Variants in SIPA1L3 observed in about 807,000 individuals in gnomAD.
SIPA1L3 encodes the protein signal induced proliferation associated 1 like 3.
SIPA1L3 carries 59 observed loss-of-function variants against 150.1 expected under a neutral mutation model. The ratio of observed to expected loss-of-function variants is 0.39; its 90% CI spans 0.32 to 0.49. The LOEUF (loss-of-function observed/expected upper bound fraction) is 0.49, where lower values mean the gene tolerates loss of function less well. SIPA1L3 is among the 20% of genes least tolerant of loss of function. The probability of loss-of-function intolerance (pLI) is 0.86; values close to 1 mark genes in which losing one functional copy is unlikely to be tolerated. For synonymous variants in SIPA1L3, 1,070 were observed against 1,077.6 expected (o/e 0.99, Z 0.14); for missense variants, 2,211 against 2,489.5 (o/e 0.89, Z 2.38).
intron 1 of SIPA1L3, among the ~76,000 whole-genome samples, chr19:37,952,460 G>A (rs2046773440): frequency 1.3e-5 from 2 of 151,888 alleles, no homozygotes; most frequent in South Asian, 2.1e-4. Context: ...ATCACTTGAG[G>A]CCAGGAGTTC....
intron 9 of SIPA1L3, among the ~76,000 whole-genome samples, chr19:38,129,677 C>T (rs940167119): frequency 2.0e-5 from 3 of 151,482 alleles, no homozygotes; most frequent in Non-Finnish European, 4.4e-5. Context: ...AATGTGAGTT[C>T]CCAACCTAGA....
At chr19:37,977,829 T>C (rs1967110744) in intron 1 of SIPA1L3, among the ~76,000 whole-genome samples, 1 of 152,214 alleles carries the variant, frequency 6.6e-6, no homozygotes, top group African/African-American at 2.4e-5. Flanking sequence ...TCACAGGTCC[T>C]GTAGTCCAGA....
intron 12 of SIPA1L3, among the ~76,000 whole-genome samples, chr19:38,147,861 C>T (rs1971734364): frequency 6.6e-6 from 1 of 152,068 alleles, no homozygotes; most frequent in African/African-American, 2.4e-5. Flanking sequence ...TGAGGTCACT[C>T]TGCCAGGACG....
chr19:37,968,325 G>A (rs1204394498), intron 1 of SIPA1L3, among the ~76,000 whole-genome samples: 1 of 151,934 alleles, frequency 6.6e-6, no homozygotes, highest in African/African-American at 2.4e-5. Context: ...TGCCCACCTC[G>A]GCCTCCAAAG....
intron 1 of SIPA1L3, among the ~76,000 whole-genome samples, chr19:37,910,709 A>C (rs1379838228): frequency 6.6e-6 from 1 of 152,088 alleles, no homozygotes; most frequent in African/African-American, 2.4e-5. Context: ...GGTTCAAGCG[A>C]TTCTCCTGCC....
intron 2 of SIPA1L3, among the ~76,000 whole-genome samples, chr19:38,032,542 A>T (rs554601632): frequency 1.3e-5 from 2 of 152,352 alleles, no homozygotes; most frequent in East Asian, 3.9e-4. Context: ...GTAAACAGAT[A>T]AAAAGTGAAT....
At chr19:38,080,681 T>C (rs575773066) in intron 2 of SIPA1L3, among the ~76,000 whole-genome samples, 1 of 152,112 alleles carries the variant, frequency 6.6e-6, no homozygotes, top group African/African-American at 2.4e-5. Flanking sequence ...AATGACCTGA[T>C]GTCTGGCCAG....
chr19:37,933,509 T>C (rs1485262566), intron 1 of SIPA1L3, among the ~76,000 whole-genome samples: 1 of 152,236 alleles, frequency 6.6e-6, no homozygotes, highest in Admixed American at 6.5e-5. Flanking sequence ...CACTTTTGTG[T>C]CCATCCTTGT....
At chr19:37,914,016 G>A (rs2046396311) in intron 1 of SIPA1L3, among the ~76,000 whole-genome samples, 1 of 98,214 alleles carries the variant, frequency 1.0e-5, no homozygotes, top group South Asian at 4.5e-4. Context: ...CAGAGTGAGA[G>A]GCCGTCTCAA....
In SIPA1L3 at chr19:38,082,861, T is replaced by C; in HGVS notation, c.1296T>C (p.Asn432=). ...DLLLSCPHFR[N]EIGGECERNV... ...TGCTCAGCTGCCCGCACTTCCGCAA[T>C]GAGATCGGGGGCGAGTGTGAGCGCA... Residue 432 remains asparagine, a synonymous_variant, in exon 3 of 22, where the codon AAT becomes AAC. Transcript: ENST00000222345. 1.3e-6 allele frequency: 2 copies of C among 1,599,450 alleles called. No homozygotes were observed. Among genetic ancestry groups the C allele is most frequent in the South Asian group, 2.2e-5 (2 of 90,772 alleles).
At chr19:38,030,737 A>C (rs1233206324) in intron 2 of SIPA1L3, among the ~76,000 whole-genome samples, 1 of 151,574 alleles carries the variant, frequency 6.6e-6, no homozygotes, top group African/African-American at 2.4e-5. Context: ...GCTAGTGAAC[A>C]TTCTCTCTTG....
Position 38,082,216 on chromosome 19 carries a change from C to G in SIPA1L3, c.651C>G (p.Ser217Arg), listed in dbSNP as rs368358844. Residue 217 changes from serine to arginine, a missense_variant, in exon 3 of 22, where the codon AGC becomes AGG. Ser to Arg is a moderately radical substitution (Grantham distance 110). Coordinates refer to ENST00000222345, the MANE Select transcript of SIPA1L3 (RefSeq NM_015073.3). ...SIDVQGMPEQ[S>R]FFDILNEFRS... ...ACGTGCAGGGCATGCCCGAGCAGAG[C>G]TTCTTCGACATCCTGAACGAGTTCC... is the stretch of plus-strand genomic sequence containing the variant. The G allele has an allele frequency of 1.2e-6, 2 of 1,602,654 alleles. No homozygotes were observed. The highest frequency in any genetic ancestry group is 1.7e-6 in the Non-Finnish European group (2 of 1,179,780).
intron 4 of SIPA1L3, among the ~76,000 whole-genome samples, chr19:38,091,676 C>T (rs993938092): frequency 2.4e-4 from 37 of 152,332 alleles, no homozygotes; most frequent in African/African-American, 8.4e-4. Flanking sequence ...TGGGTTTTGA[C>T]TAAGTCAGCT....
intron 2 of SIPA1L3, among the ~76,000 whole-genome samples, chr19:38,062,136 C>G (rs1191545486): frequency 6.6e-6 from 1 of 152,008 alleles, no homozygotes; most frequent in African/African-American, 2.4e-5. Flanking sequence ...TACCAGCAGT[C>G]TCACGAGGTG....
intron 15 of SIPA1L3, among the ~76,000 whole-genome samples, chr19:38,180,532 CTTTTCT>C (rs1458443771): frequency 1.8e-5 from 2 of 113,188 alleles, no homozygotes; most frequent in African/African-American, 8.2e-5. Context: ...TTCTTTTTTT[CTTTTCT>C]TTTTTTTTTT....
chr19:38,047,357 C>T lies in SIPA1L3; in HGVS notation c.-311+18201C>T, dbSNP rs1012771038. Among the ~76,000 whole-genome samples the T allele has an allele frequency of 5.9e-5, 9 of 152,138 alleles. No homozygotes were observed. The highest frequency in any genetic ancestry group is 2.2e-4 in the African/African-American group (9 of 41,416). On this transcript the variant is annotated intron_variant, in intron 2 of 21. Transcript: ENST00000222345. The surrounding 1 kb of genome is among the most constrained non-coding windows in gnomAD (Gnocchi z 4.7). ...TGTGGGCTTGTGTATTGCCTGTCTA[C>T]ACCCTATAGTATAGCCTGTGAGCTC...
intron 1 of SIPA1L3, among the ~76,000 whole-genome samples, chr19:37,959,644 A>G (rs919201522): frequency 9.2e-5 from 14 of 152,164 alleles, no homozygotes; most frequent in Non-Finnish European, 1.9e-4. Context: ...AATTTCATTC[A>G]TTGACGTTTG....
intron 18 of SIPA1L3, among the ~76,000 whole-genome samples, chr19:38,196,945 A>G (rs778044979): frequency 5.9e-5 from 9 of 152,196 alleles, no homozygotes; most frequent in Non-Finnish European, 1.2e-4. Context: ...AAATGTAAAA[A>G]ATAGTGCCCA....
intron 1 of SIPA1L3, among the ~76,000 whole-genome samples, chr19:37,957,571 C>A (rs1469168206): frequency 7.6e-6 from 1 of 131,242 alleles, no homozygotes; most frequent in East Asian, 2.5e-4. Flanking sequence ...TTTTTCTTTT[C>A]TTTTGAGACA....
Sources: gnomAD v4.1 joint callset for allele counts (sites outside exome capture counted in the v4.1 genomes callset) on GRCh38, gnomAD v4.1.1 for gene constraint, Gnocchi (gnomAD v3.1) non-coding constraint, MANE v1.5 for transcripts, NCBI Gene and HGNC (gene_info 2026-07-23, HGNC 2026-07-21) for gene names.